Variants in TMEM245 observed in about 807,000 individuals in gnomAD.
TMEM245 encodes the protein transmembrane protein 245, also known as protein CG-2.
Under a neutral mutation model 101.2 loss-of-function variants are expected in TMEM245, and 69 were observed. The observed-to-expected ratio is 0.68, with a 90% CI of 0.56 to 0.83. The LOEUF is 0.83. Among genes scored for constraint, TMEM245 ranks in the 40% least tolerant of loss-of-function variants. The pLI is 0.00. For missense variants in TMEM245, 1,075 were observed against 1,092.8 expected (o/e 0.98, Z 0.23); for synonymous variants, 537 against 449.8 (o/e 1.19, Z -2.45).
intron 3 of TMEM245, among the ~76,000 whole-genome samples, chr9:109,104,227 G>A (rs1830349993): frequency 6.6e-6 from 1 of 152,078 alleles, no homozygotes; most frequent in Non-Finnish European, 1.5e-5. Context: ...AAATACTTGA[G>A]GGGATGGATA....
intron 3 of TMEM245, among the ~76,000 whole-genome samples, chr9:109,096,420 T>C (rs34212518): frequency 0.086 from 13,116 of 152,206 alleles, 632 homozygotes; most frequent in East Asian, 0.12. Flanking sequence ...GAGGTTGCAG[T>C]GAGCCGAGAT....
rs563478521 is a variant in TMEM245, at chr9:109,076,292, A to C, written c.1450-2854T>G. Among the ~76,000 whole-genome samples, 297 of 150,818 alleles carry C rather than the reference A, an allele frequency of 2.0e-3. 3 individuals carry two copies. Among genetic ancestry groups the C allele is most frequent in the African/African-American group, 6.6e-3 (272 of 41,224 alleles). ...AACTATCGCAAAGACAAAAAACCAA[A>C]CACCACATGTTCTCACTCATAGATG... On this transcript the variant is annotated intron_variant, in intron 8 of 17. Transcript: ENST00000374586.
intron 4 of TMEM245, 49 bp downstream of exon 4, chr9:109,093,426 A>G: frequency 6.7e-7 from 1 of 1,495,878 alleles, no homozygotes; most frequent in African/African-American, 1.4e-5. Context: ...CTTTCTATGT[A>G]CATTTCATTT....
chr9:109,082,877 C>A (rs1003868059), intron 7 of TMEM245, among the ~76,000 whole-genome samples: 4 of 151,714 alleles, frequency 2.6e-5, no homozygotes, highest in Non-Finnish European at 5.9e-5. Context: ...TAAATAAAAA[C>A]GTATATCCAA....
intron 3 of TMEM245, among the ~76,000 whole-genome samples, chr9:109,101,916 G>A (rs541926290): frequency 2.4e-4 from 36 of 152,132 alleles, no homozygotes; most frequent in Non-Finnish European, 4.1e-4. Context: ...AATTTACACC[G>A]TAGAGAAAAC....
intron 14 of TMEM245, among the ~76,000 whole-genome samples, chr9:109,045,617 G>C (rs1828466133): frequency 6.6e-6 from 1 of 152,160 alleles, no homozygotes; most frequent in Non-Finnish European, 1.5e-5. Flanking sequence ...TAGGCAAATA[G>C]TAAACGTGTA....
At chr9:109,103,541 A>C (rs1469613796) in intron 3 of TMEM245, among the ~76,000 whole-genome samples, 2 of 152,152 alleles carry the variant, frequency 1.3e-5, no homozygotes, top group Non-Finnish European at 2.9e-5. Flanking sequence ...ATGGAGTACT[A>C]TTCCGCCAAA....
Position 109,033,462 on chromosome 9 carries a change from A to G in TMEM245, c.2439T>C (p.Gly813=), listed in dbSNP as rs757111227. ...CTTCCAGGCCTAGGTAGTATGCTCCACCGGCCACTGCCAAGCCTGTCAGGT... is the reference window on the plus strand; with the variant it reads ...CTTCCAGGCCTAGGTAGTATGCTCCGCCGGCCACTGCCAAGCCTGTCAGGT... ...HPYLTGLAVA[G]GAYYLGLEGA... Residue 813 remains glycine, a synonymous_variant, in exon 17 of 18, where the codon GGT becomes GGC. Coordinates refer to ENST00000374586, the MANE Select transcript of TMEM245 (RefSeq NM_032012.4). 1 of 1,610,312 alleles carries G rather than the reference A, an allele frequency of 6.2e-7. No homozygotes were observed. The highest frequency in any genetic ancestry group is 1.3e-5 in the African/African-American group (1 of 74,840).
intron 12 of TMEM245, among the ~76,000 whole-genome samples, chr9:109,052,550 C>T (rs1026295532): frequency 6.6e-6 from 1 of 152,134 alleles, no homozygotes; most frequent in African/African-American, 2.4e-5. Context: ...ATTTTGTTGC[C>T]CTTGGCATTT....
rs61742105 is a variant in TMEM245, at chr9:109,108,531, A to G, written c.619T>C (p.Phe207Leu). 338 of 1,611,758 alleles carry G rather than the reference A, an allele frequency of 2.1e-4. 1 individual carries two copies. In the Admixed American group the frequency reaches 2.4e-3, roughly 11 times the overall value. The change falls in exon 2 of 18, where the codon TTC (phenylalanine) becomes CTC (leucine). Residue 207 changes from phenylalanine (F) to leucine (L), a missense_variant. Coordinates refer to ENST00000374586, the MANE Select transcript of TMEM245 (RefSeq NM_032012.4). ...CGTTCAGTGCTTGCATTCCACTTGA[A>G]TGAAACAGTCAACACATAGCCAACC... ...LVVGYVLTVS[F>L]KWNASTERYL...
intron 14 of TMEM245, among the ~76,000 whole-genome samples, chr9:109,047,065 A>G (rs1828519884): frequency 6.6e-6 from 1 of 152,238 alleles, no homozygotes; most frequent in Non-Finnish European, 1.5e-5. Context: ...AGCTTTGGTT[A>G]GAAAAATGTC....
chr9:109,051,111 TA>T (rs1828666556), intron 12 of TMEM245, among the ~76,000 whole-genome samples: 1 of 151,832 alleles, frequency 6.6e-6, no homozygotes, highest in Non-Finnish European at 1.5e-5. Context: ...ACCAACATAG[TA>T]AAACCCTGTC....
In TMEM245 at chr9:109,047,395, A is replaced by C. The variant is rs144117012; in HGVS notation, c.2123+2888T>G. Among the ~76,000 whole-genome samples, 321 of 152,314 alleles carry C rather than the reference A, an allele frequency of 2.1e-3. 2 individuals are homozygous for C. Among genetic ancestry groups the C allele is most frequent in the African/African-American group, 7.1e-3 (296 of 41,570 alleles). On this transcript the variant is annotated intron_variant, in intron 14 of 17. Coordinates refer to ENST00000374586, the MANE Select transcript of TMEM245 (RefSeq NM_032012.4). ...TAATCTCAAATTCTCTCCTGAGCCA[A>C]AGACCTGAATTTCTAAATGCCACCC...
chr9:109,066,644 G>A (rs1017831374), intron 9 of TMEM245, among the ~76,000 whole-genome samples: 3 of 151,790 alleles, frequency 2.0e-5, no homozygotes, highest in Admixed American at 2.0e-4. Context: ...GTGGCTTGAA[G>A]GGACTGCTAA....
chr9:109,054,203 T>C (rs1828769906), intron 12 of TMEM245, among the ~76,000 whole-genome samples: 1 of 152,034 alleles, frequency 6.6e-6, no homozygotes, highest in African/African-American at 2.4e-5. Context: ...TGGTGGTGTA[T>C]GCCTGTAGTC....
chr9:109,119,228 A>G, intron 1 of TMEM245, 107 bp downstream of exon 1: 1 of 1,052,496 alleles, frequency 9.5e-7, no homozygotes, highest in Non-Finnish European at 1.3e-6. Flanking sequence ...ACTGCAGCAC[A>G]GGTGTGGCCC....
chr9:109,110,255 T>C (rs1311177847), intron 1 of TMEM245, among the ~76,000 whole-genome samples: 1 of 152,190 alleles, frequency 6.6e-6, no homozygotes, highest in Non-Finnish European at 1.5e-5. Context: ...AACACTCCTA[T>C]GTGCCAGGCC....
At chr9:109,066,836 A>G (rs1310014892) in intron 9 of TMEM245, among the ~76,000 whole-genome samples, 1 of 152,026 alleles carries the variant, frequency 6.6e-6, no homozygotes, top group Non-Finnish European at 1.5e-5. Context: ...CGGGTGGATC[A>G]CCTGAGGTCA....
intron 3 of TMEM245, among the ~76,000 whole-genome samples, chr9:109,104,814 A>G (rs989537022): frequency 2.0e-5 from 3 of 152,220 alleles, no homozygotes; most frequent in Non-Finnish European, 4.4e-5. Flanking sequence ...TACACAGGCA[A>G]AAGAATGAGG....
Sources: gnomAD v4.1 joint callset for allele counts (sites outside exome capture counted in the v4.1 genomes callset) on GRCh38, gnomAD v4.1.1 for gene constraint, MANE v1.5 for transcripts, NCBI Gene and HGNC (gene_info 2026-07-23, HGNC 2026-07-21) for gene names.